ULK4: variants seen among roughly 807,000 people sequenced by gnomAD.
The protein encoded by ULK4 is unc-51 like kinase 4.
ULK4 carries 133 observed loss-of-function variants against 160.6 expected under a neutral mutation model. The ratio of observed to expected loss-of-function variants is 0.83; its 90% confidence interval spans 0.72 to 0.96. The LOEUF is 0.96. Among genes scored for constraint, ULK4 ranks in the 40% least tolerant of loss-of-function variants. The pLI is 0.00. For synonymous variants in ULK4, 534 were observed against 539.8 expected, an observed-to-expected ratio of 0.99 and a Z score of 0.15; for missense variants, 1,580 against 1,499.5, an observed-to-expected ratio of 1.05 and a Z score of -0.89.
chr3:41,484,259 A>T (rs1203463370), intron 32 of ULK4, among the ~76,000 whole-genome samples: 2 of 152,234 alleles, frequency 1.3e-5, no homozygotes, highest in African/African-American at 4.8e-5. Flanking sequence ...CATTTATCAA[A>T]TAAATATTAG....
At chr3:41,724,515 G>A (rs1381852298) in intron 22 of ULK4, among the ~76,000 whole-genome samples, 1 of 152,094 alleles carries the variant, frequency 6.6e-6, no homozygotes, top group Non-Finnish European at 1.5e-5. Flanking sequence ...ATGAGGTCAG[G>A]AGATCGAGAC....
In ULK4 at chr3:41,247,726, C is replaced by T. The variant is rs567421826; in HGVS notation, c.3765-734G>A. On this transcript the variant is annotated intron_variant, in intron 36 of 36. Coordinates refer to ENST00000301831, the MANE Select transcript of ULK4 (RefSeq NM_017886.4). Reference sequence around the variant, plus strand: ...AAGCCCCTGTGTGACAGAAGGAATGCGTTTGAACTTGGCCCACCCCTGGCT... The same window carrying T: ...AAGCCCCTGTGTGACAGAAGGAATGTGTTTGAACTTGGCCCACCCCTGGCT... Among the ~76,000 whole-genome samples, 113 of 152,298 alleles carry T rather than the reference C, an allele frequency of 7.4e-4. 3 individuals carry two copies. The Middle Eastern group carries it at 0.014, about 18-fold the overall frequency.
At chr3:41,563,566 C>CT (rs1291890011) in intron 32 of ULK4, among the ~76,000 whole-genome samples, 2 of 152,224 alleles carry the variant, frequency 1.3e-5, no homozygotes, top group East Asian at 1.9e-4. Flanking sequence ...TCTTTTTACT[C>CT]TTTTTTCTCT....
intron 17 of ULK4, among the ~76,000 whole-genome samples, chr3:41,865,270 TTAAAAAAAAAAAAAAAAAAAA>T (rs1219506141): frequency 1.5e-5 from 1 of 65,624 alleles, no homozygotes; most frequent in African/African-American, 6.2e-5. Context: ...GACTCTGTCT[TTAAAAAAAAAAAAAAAAAAAA>T]AAAAAAAAAA....
chr3:41,858,567 A>G (rs1047144305), intron 17 of ULK4, among the ~76,000 whole-genome samples: 1 of 138,340 alleles, frequency 7.2e-6, no homozygotes, highest in Non-Finnish European at 1.5e-5. Flanking sequence ...ATCTCAGCTC[A>G]CTGCAACCTC....
intron 32 of ULK4, among the ~76,000 whole-genome samples, chr3:41,517,345 A>G (rs990975347): frequency 3.9e-5 from 6 of 152,162 alleles, no homozygotes; most frequent in Non-Finnish European, 8.8e-5. Context: ...GGCCTTTAAG[A>G]GGTGATTAAG....
chr3:41,723,832 A>T lies in ULK4; in HGVS notation c.2322-5971T>A, dbSNP rs895221956. On this transcript the variant is annotated intron_variant, in intron 22 of 36. Coordinates refer to ENST00000301831, the MANE Select transcript of ULK4 (RefSeq NM_017886.4). ...ACTGAAACTTCATCTCCCTTAGCCC[A>T]GTGGGCGCCTGGGACTCTGGTAGCC... is the stretch of plus-strand genomic sequence containing the variant. 2.6e-5 allele frequency among the ~76,000 whole-genome samples: 4 copies of T among 152,262 alleles called. No individual in the cohort carries two copies. The East Asian group carries it at 7.7e-4, about 29-fold the overall frequency.
At chr3:41,727,789 A>T (rs967411417) in intron 22 of ULK4, among the ~76,000 whole-genome samples, 1 of 152,236 alleles carries the variant, frequency 6.6e-6, no homozygotes, top group Non-Finnish European at 1.5e-5. Flanking sequence ...ATGGAAATGT[A>T]AAAAGGAAGA....
intron 31 of ULK4, among the ~76,000 whole-genome samples, chr3:41,609,526 A>G (rs367890975): frequency 6.6e-6 from 1 of 152,232 alleles, no homozygotes; most frequent in Non-Finnish European, 1.5e-5. Flanking sequence ...TCATCTTTGT[A>G]TACAACAAAA....
At chr3:41,754,282 G>A (rs1383517008) in intron 22 of ULK4, 79 bp downstream of exon 22, 12 of 1,455,492 alleles carry the variant, frequency 8.2e-6, no homozygotes, top group Non-Finnish European at 1.1e-5. Flanking sequence ...ATACACAGAG[G>A]CCAAGAAATA....
At chr3:41,268,999 C>G in intron 35 of ULK4, among the ~76,000 whole-genome samples, 1 of 152,056 alleles carries the variant, frequency 6.6e-6, no homozygotes, top group East Asian at 1.9e-4. Flanking sequence ...CACGCTGACC[C>G]AACCAACCCA....
At chr3:41,940,641 A>G (rs1699919522) in intron 2 of ULK4, among the ~76,000 whole-genome samples, 1 of 152,178 alleles carries the variant, frequency 6.6e-6, no homozygotes, top group South Asian at 2.1e-4. Flanking sequence ...TGGGCAAGAC[A>G]GCAAGACCCC....
intron 4 of ULK4, among the ~76,000 whole-genome samples, chr3:41,933,692 T>C (rs1421722384): frequency 2.0e-5 from 3 of 150,812 alleles, no homozygotes; most frequent in East Asian, 1.9e-4. Context: ...ACTAAGAGTG[T>C]TGGATTTTTT....
intron 34 of ULK4, among the ~76,000 whole-genome samples, chr3:41,444,736 T>G (rs1447968803): frequency 6.6e-6 from 1 of 152,018 alleles, no homozygotes; most frequent in Non-Finnish European, 1.5e-5. Context: ...TCCCAGCACT[T>G]TGAAAGGCCG....
rs868693651 is a variant in ULK4 at position 41,681,395 on chromosome 3, T to C, written c.2978+113A>G. On this transcript the variant is annotated intron_variant, in intron 29 of 36. Transcript: ENST00000301831. ...TTTTTATAATGAGTACACAAGCATA[T>C]GTGTATAAACATAAGGACATCAAGA... The C allele has an allele frequency of 9.0e-5, 129 of 1,427,648 alleles. No individual in the cohort carries two copies. In the Middle Eastern group the frequency reaches 1.2e-3, roughly 13 times the overall value. The allele number at this position is 1,427,648 out of a possible 1,614,324, so 88.4% of individuals were successfully genotyped here.
chr3:41,524,574 G>A (rs2086046521), intron 32 of ULK4, among the ~76,000 whole-genome samples: 1 of 152,176 alleles, frequency 6.6e-6, no homozygotes, highest in Admixed American at 6.5e-5. Context: ...GATTAGAGCT[G>A]TATTTAAAAC....
chr3:41,657,517 G>A lies in ULK4; in HGVS notation c.3071+6090C>T, dbSNP rs533792841. 3.3e-5 allele frequency among the ~76,000 whole-genome samples: 5 copies of A among 152,134 alleles called. No individual in the cohort carries two copies. The South Asian group carries it at 1.0e-3, about 32-fold the overall frequency. ...ACAATTAAGGCACTCTACTCTTGATGTACATCTATAGTTGACCATTTTGCC... is the reference window on the plus strand; with the variant it reads ...ACAATTAAGGCACTCTACTCTTGATATACATCTATAGTTGACCATTTTGCC... On this transcript the variant is annotated intron_variant, in intron 30 of 36. Coordinates refer to ENST00000301831, the MANE Select transcript of ULK4 (RefSeq NM_017886.4).
At chr3:41,354,529 T>C (rs547378788) in intron 35 of ULK4, among the ~76,000 whole-genome samples, 1 of 152,350 alleles carries the variant, frequency 6.6e-6, no homozygotes, top group South Asian at 2.1e-4. Context: ...AAACATTGTA[T>C]GACAACAATA....
chr3:41,906,903 G>A (rs1197370654), intron 12 of ULK4, among the ~76,000 whole-genome samples: 1 of 152,058 alleles, frequency 6.6e-6, no homozygotes, highest in Non-Finnish European at 1.5e-5. Flanking sequence ...TGAGGCAGGA[G>A]AATTGCTTGA....
Sources: allele counts gnomAD v4.1 joint callset (sites outside exome capture counted in the v4.1 genomes callset), GRCh38; gene constraint gnomAD v4.1.1; transcripts MANE v1.5; gene names NCBI Gene and HGNC (gene_info 2026-07-23, HGNC 2026-07-21).